MKLN1: variants seen among roughly 807,000 people sequenced by gnomAD.
MKLN1 encodes the protein muskelin.
A neutral mutation model predicts 99.0 loss-of-function variants in MKLN1; 18 were observed. The observed-to-expected ratio is 0.18, with a 90% CI of 0.13 to 0.27. The LOEUF (loss-of-function observed/expected upper bound fraction) is 0.27, where lower values mean the gene tolerates loss of function less well. Ranked by LOEUF, MKLN1 falls within the 10% of genes least tolerant of loss-of-function variation. The pLI is 1.00. For synonymous variants in MKLN1, 288 were observed against 293.2 expected, an observed-to-expected ratio of 0.98 and a Z score of 0.18; for missense variants, 621 against 875.9, an observed-to-expected ratio of 0.71 and a Z score of 3.67.
intron 11 of MKLN1, 96 bp downstream of exon 11, chr7:131,443,798 G>A (rs1795913708): frequency 3.2e-6 from 3 of 938,580 alleles, no homozygotes; most frequent in Non-Finnish European, 5.0e-6. Context: ...GAAGAGATTA[G>A]TGTAGCAATG....
At chr7:131,394,075 T>G (rs1252149842) in intron 4 of MKLN1, among the ~76,000 whole-genome samples, 1 of 151,196 alleles carries the variant, frequency 6.6e-6, no homozygotes, top group Non-Finnish European at 1.5e-5. Flanking sequence ...TGCTATGTGA[T>G]TTAGTAGATA....
chr7:131,337,280 T>G (rs916836332), intron 1 of MKLN1, among the ~76,000 whole-genome samples: 6 of 152,176 alleles, frequency 3.9e-5, no homozygotes, highest in African/African-American at 1.4e-4. Context: ...AAATTTTGAC[T>G]TTTTAAAAAT....
At chr7:131,239,080 A>G (rs1326749693) in intron 3 of MKLN1, among the ~76,000 whole-genome samples, 1 of 152,156 alleles carries the variant, frequency 6.6e-6, no homozygotes, top group East Asian at 1.9e-4. Context: ...CTGAGATTCT[A>G]TGATTATGGT....
intron 9 of MKLN1, among the ~76,000 whole-genome samples, chr7:131,430,101 C>A (rs1026204786): frequency 3.2e-4 from 49 of 152,010 alleles, no homozygotes; most frequent in Non-Finnish European, 1.0e-4. Context: ...TAAACTGTTT[C>A]AGGATATAAA....
chr7:131,427,745 G>C (rs1268950314), intron 8 of MKLN1, among the ~76,000 whole-genome samples: 2 of 152,016 alleles, frequency 1.3e-5, no homozygotes, highest in Non-Finnish European at 2.9e-5. Flanking sequence ...TAGTAGAGAC[G>C]GAGTTTCACT....
intron 2 of MKLN1, among the ~76,000 whole-genome samples, chr7:131,158,391 G>A (rs577900965): frequency 1.1e-4 from 17 of 152,158 alleles, no homozygotes; most frequent in Admixed American, 7.2e-4. Flanking sequence ...CTGAGGTCAC[G>A]CCATTGCACT....
chr7:131,422,207 A>G (rs1355440432), intron 8 of MKLN1, among the ~76,000 whole-genome samples: 2 of 152,212 alleles, frequency 1.3e-5, no homozygotes, highest in Non-Finnish European at 2.9e-5. Context: ...TCTAGGAAGA[A>G]AATCTGTGGC....
At position 131,399,257 on chromosome 7, in the gene MKLN1, C is replaced by T; in HGVS notation, c.527C>T (p.Ala176Val). Residue 176 changes from alanine to valine, a missense_variant, in exon 6 of 18, where the codon GCT becomes GTT. Ala to Val is a moderately conservative substitution (Grantham distance 64). Transcript: ENST00000352689. ...TTCTAGTAGTACCGTGAACAGGAAGCTATTCGCCTTTGCCTAAAACACTTC... is the reference window on the plus strand; with the variant it reads ...TTCTAGTAGTACCGTGAACAGGAAGTTATTCGCCTTTGCCTAAAACACTTC... ...NWYSKYREQE[A>V]IRLCLKHFRQ... 1 of 1,613,952 alleles carries T rather than the reference C, an allele frequency of 6.2e-7. No individual in the cohort carries two copies. Among genetic ancestry groups the T allele is most frequent in the Non-Finnish European group, 8.5e-7 (1 of 1,179,896 alleles).
At chr7:131,454,555 C>T (rs1362716726) in intron 12 of MKLN1, among the ~76,000 whole-genome samples, 1 of 152,160 alleles carries the variant, frequency 6.6e-6, no homozygotes, top group African/African-American at 2.4e-5. Flanking sequence ...GTTTGCTTTC[C>T]CAAAAGTCAT....
chr7:131,450,165 C>T (rs1584756154), intron 12 of MKLN1, among the ~76,000 whole-genome samples: 1 of 152,126 alleles, frequency 6.6e-6, no homozygotes, highest in Admixed American at 6.6e-5. Flanking sequence ...TCCCTATGTA[C>T]CCCTCCCTGC....
At chr7:131,141,091 T>C (rs1795725851) in intron 1 of MKLN1, among the ~76,000 whole-genome samples, 1 of 152,142 alleles carries the variant, frequency 6.6e-6, no homozygotes, top group Admixed American at 6.5e-5. Flanking sequence ...GCCTACACCA[T>C]CCTTTATTTA....
At chr7:131,172,451 G>A (rs1196049693) in intron 2 of MKLN1, among the ~76,000 whole-genome samples, 2 of 152,050 alleles carry the variant, frequency 1.3e-5, no homozygotes, top group Non-Finnish European at 2.9e-5. Flanking sequence ...AAGTAGCTGG[G>A]ACTACAGGCA....
Position 131,387,249 on chromosome 7 carries a change from G to T in MKLN1, c.298G>T (p.Glu100Ter). 6.2e-7 allele frequency: 1 copy of T among 1,610,706 alleles called. No homozygotes were observed. The highest frequency in any genetic ancestry group is 1.1e-5 in the South Asian group (1 of 90,316). Reference sequence around the variant, plus strand: ...TGGAATGAATGAAGAAAATATGACAGAGCTGTTGTCCAGGTGAGTTATGGT... The same window carrying T: ...TGGAATGAATGAAGAAAATATGACATAGCTGTTGTCCAGGTGAGTTATGGT... ...FGGMNEENMT[E>*]LLSSGLKNDY... Residue 100 changes from glutamate (E) to a stop codon, truncating the protein, a stop_gained, in exon 3 of 18, where the codon GAG becomes TAG. Coordinates refer to ENST00000352689, the MANE Select transcript of MKLN1 (RefSeq NM_013255.5). LOFTEE classifies it high-confidence loss of function.
intron 3 of MKLN1, among the ~76,000 whole-genome samples, chr7:131,255,110 T>G (rs2116523817): frequency 6.6e-6 from 1 of 152,196 alleles, no homozygotes; most frequent in East Asian, 1.9e-4. Flanking sequence ...GGGCAATTTT[T>G]TAAAAAAAAT....
intron 1 of MKLN1, among the ~76,000 whole-genome samples, chr7:131,122,994 G>A (rs1490899549): frequency 7.7e-6 from 1 of 130,186 alleles, no homozygotes; most frequent in Admixed American, 9.3e-5. Context: ...CTGCAGTCCG[G>A]CCTGGGCGAA....
At chr7:131,399,528 A>G in intron 6 of MKLN1, 95 bp downstream of exon 6, 1 of 1,081,190 alleles carries the variant, frequency 9.2e-7, no homozygotes, top group Non-Finnish European at 1.3e-6. Context: ...TATTACTGTA[A>G]TTTTTTTTCT....
intron 9 of MKLN1, among the ~76,000 whole-genome samples, chr7:131,430,761 G>A (rs1486097566): frequency 6.6e-6 from 1 of 152,104 alleles, no homozygotes; most frequent in Non-Finnish European, 1.5e-5. Flanking sequence ...CACCAACACA[G>A]TCTTTAAAAA....
At chr7:131,417,003 ACT>A (rs1223469415) in intron 8 of MKLN1, among the ~76,000 whole-genome samples, 5 of 150,828 alleles carry the variant, frequency 3.3e-5, no homozygotes, top group African/African-American at 9.7e-5. Context: ...AAAAAAAAAA[ACT>A]CAAAGAGGAA....
chr7:131,488,083 A>G lies in MKLN1; in HGVS notation c.*355A>G, dbSNP rs908016180. The G allele has an allele frequency of 7.9e-5, 12 of 151,916 alleles. No homozygotes were observed. Among genetic ancestry groups the G allele is most frequent in the African/African-American group, 2.9e-4 (12 of 41,326 alleles). The allele number at this position is 151,916 out of a possible 1,614,324, so 9.4% of individuals were successfully genotyped here. A position where few individuals can be genotyped will look rare whatever the true frequency, so the allele number is the denominator to read the frequency against. On this transcript the variant is annotated 3_prime_UTR_variant, in exon 18 of 18. Coordinates refer to ENST00000352689, the MANE Select transcript of MKLN1 (RefSeq NM_013255.5). ...TTTCTTTTTTTTTTAATTGGGGGAAATAAGCACTATTAACAGATTCAGCAC... is the reference window on the plus strand; with the variant it reads ...TTTCTTTTTTTTTTAATTGGGGGAAGTAAGCACTATTAACAGATTCAGCAC...
Sources: allele counts gnomAD v4.1 joint callset (sites outside exome capture counted in the v4.1 genomes callset), GRCh38; gene constraint gnomAD v4.1.1; transcripts MANE v1.5; gene names NCBI Gene and HGNC (gene_info 2026-07-23, HGNC 2026-07-21).